The following YAE1 variants were observed in gnomAD, a reference collection of about 807,000 sequenced individuals.
YAE1 encodes protein YAE1 homolog.
A neutral mutation model predicts 23.0 loss-of-function variants in YAE1; 22 were observed. That is an observed-to-expected ratio of 0.96 (90% CI 0.68 to 1.37). The LOEUF is 1.37. Among genes scored for constraint, YAE1 ranks in the 40% most tolerant of loss-of-function variants. The pLI is 0.00. For synonymous variants in YAE1, 101 were observed against 97.0 expected, an observed-to-expected ratio of 1.04 and a Z score of -0.24; for missense variants, 260 against 262.1, an observed-to-expected ratio of 0.99 and a Z score of 0.06.
At chr7:39,581,082 AAC>A (rs1790735468) in intron 2 of YAE1, among the ~76,000 whole-genome samples, 1 of 152,138 alleles carries the variant, frequency 6.6e-6, no homozygotes. Flanking sequence ...CACACACACA[AAC>A]ACAACTTTTC....
rs921374004 is a variant in YAE1, at chr7:39,588,613, C to G, written c.251+17986C>G. Among the ~76,000 whole-genome samples the G allele has an allele frequency of 2.6e-5, 4 of 151,930 alleles. 1 individual carries two copies. The Middle Eastern group carries it at 9.5e-3, about 361-fold the overall frequency. ...TGTTTCTTTCCTAATAATGGAAGTT[C>G]CGTCTCAAAGGAGAAGACTTTGATA... On this transcript the variant is annotated intron_variant, in intron 2 of 2. Coordinates refer to the YAE1 transcript ENST00000432096.
chr7:39,566,757 T>C (rs908690462), intron 1 of YAE1: 27 of 635,862 alleles, frequency 4.2e-5, no homozygotes, highest in Non-Finnish European at 6.3e-5. Context: ...GCCTACGGGA[T>C]GCGTTAGAAA....
chr7:39,586,452 G>GT (rs1790814923), intron 2 of YAE1, among the ~76,000 whole-genome samples: 1 of 150,688 alleles, frequency 6.6e-6, no homozygotes, highest in South Asian at 2.1e-4. Flanking sequence ...GATTACAGGG[G>GT]TGAGCCACCG....
intron 2 of YAE1, among the ~76,000 whole-genome samples, chr7:39,586,849 CTT>C (rs1357274231): frequency 6.6e-6 from 1 of 152,114 alleles, no homozygotes; most frequent in Non-Finnish European, 1.5e-5. Context: ...GGGATAAACA[CTT>C]TGCTTACGTT....
chr7:39,573,014 C>T (rs1035216236), downstream of YAE1: 8 of 612,896 alleles, frequency 1.3e-5, no homozygotes, highest in Non-Finnish European at 1.7e-5. Flanking sequence ...AAGAATTAAA[C>T]ATATTTTGTA....
chr7:39,607,398 T>A (rs1179548567), intron 2 of YAE1, among the ~76,000 whole-genome samples: 2 of 152,160 alleles, frequency 1.3e-5, no homozygotes, highest in Admixed American at 1.3e-4. Flanking sequence ...GAAGAGGGAA[T>A]TGGAGAACCA....
intron 2 of YAE1, among the ~76,000 whole-genome samples, chr7:39,593,025 G>GTT (rs150029883): frequency 6.6e-6 from 1 of 151,380 alleles, no homozygotes; most frequent in Admixed American, 6.6e-5. Flanking sequence ...TTTCTTCTCT[G>GTT]TTTTTTTCAG....
Position 39,594,757 on chromosome 7 carries a change from G to A in YAE1, c.252-14860G>A, listed in dbSNP as rs567773269. The stretch of plus-strand genomic sequence containing the variant: ...TTACATGTGCCCGCCACCATGCCTG[G>A]CTAATTTTTTGTATTTTTAGTAGAG... On this transcript the variant is annotated intron_variant, in intron 2 of 2. Transcript: ENST00000432096. Among the ~76,000 whole-genome samples the A allele has an allele frequency of 5.9e-5, 9 of 152,146 alleles. No homozygotes were observed. In the South Asian group the frequency reaches 1.9e-3, roughly 32 times the overall value.
chr7:39,591,701 A>G (rs958417346), intron 2 of YAE1, among the ~76,000 whole-genome samples: 2 of 152,144 alleles, frequency 1.3e-5, no homozygotes, highest in Non-Finnish European at 2.9e-5. Flanking sequence ...GACAGTCCAC[A>G]GTTTACATTA....
intron 2 of YAE1, among the ~76,000 whole-genome samples, chr7:39,596,264 G>A (rs1014171672): frequency 1.3e-5 from 2 of 151,986 alleles, no homozygotes; most frequent in African/African-American, 2.4e-5. Flanking sequence ...GCGTGATCTC[G>A]GCTCACTGCA....
chr7:39,600,173 A>T (rs558530842), intron 2 of YAE1, among the ~76,000 whole-genome samples: 1 of 152,290 alleles, frequency 6.6e-6, no homozygotes, highest in South Asian at 2.1e-4. Flanking sequence ...TTGTTAAGGA[A>T]ATAGAAGAAC....
chr7:39,610,248 T>C (rs1791191069), exon 3 of YAE1: 4 of 551,892 alleles, frequency 7.2e-6, no homozygotes, highest in Admixed American at 5.9e-5. Flanking sequence ...TATGCGACCA[T>C]GTGGGACAAG....
intron 2 of YAE1, among the ~76,000 whole-genome samples, chr7:39,603,634 A>G (rs142844151): frequency 2.3e-3 from 348 of 152,326 alleles, no homozygotes; most frequent in Middle Eastern, 0.01. Flanking sequence ...ATTGCTGAGG[A>G]TGTCAAAAAC....
At chr7:39,568,124 G>A (rs1790504655) in intron 1 of YAE1, among the ~76,000 whole-genome samples, 1 of 152,124 alleles carries the variant, frequency 6.6e-6, no homozygotes, top group Non-Finnish European at 1.5e-5. Context: ...TATAGTCCCA[G>A]CTACTTGGGA....
intron 2 of YAE1, chr7:39,571,070 C>G (rs190323441): frequency 3.9e-5 from 6 of 155,724 alleles, no homozygotes; most frequent in African/African-American, 1.4e-4. Context: ...TGGCATATAT[C>G]GGAGCCAAAT....
chr7:39,573,429 T>G (rs1245329788), downstream of YAE1, among the ~76,000 whole-genome samples: 1 of 152,100 alleles, frequency 6.6e-6, no homozygotes, highest in Admixed American at 6.6e-5. Context: ...CACATAGGAG[T>G]AAAACACTGA....
At chr7:39,593,132 T>A (rs571599343) in intron 2 of YAE1, among the ~76,000 whole-genome samples, 3 of 150,850 alleles carry the variant, frequency 2.0e-5, no homozygotes, top group African/African-American at 7.3e-5. Context: ...TTTTTAAATA[T>A]CAGATACTTT....
At chr7:39,575,537 G>GGAGAGAGAGAGA (rs56954676), downstream of YAE1, among the ~76,000 whole-genome samples, 225 of 131,180 alleles carry the variant, frequency 1.7e-3, no homozygotes, top group South Asian at 2.8e-3. Context: ...CTAAGATACA[G>GGAGAGAGAGAGA]GAGAGAGAGA....
intron 1 of YAE1, chr7:39,569,980 TC>T: frequency 1.5e-6 from 2 of 1,358,786 alleles, no homozygotes; most frequent in Non-Finnish European, 2.1e-6. Flanking sequence ...TCAGATCTTC[TC>T]CCCATTCAGC....
Sources: gnomAD v4.1 joint callset for allele counts (sites outside exome capture counted in the v4.1 genomes callset) on GRCh38, gnomAD v4.1.1 for gene constraint, MANE v1.5 for transcripts, NCBI Gene and HGNC (gene_info 2026-07-23, HGNC 2026-07-21) for gene names.